MYT1L: variants seen among roughly 807,000 people sequenced by gnomAD.
MYT1L encodes myelin transcription factor 1-like protein.
A neutral mutation model predicts 126.7 loss-of-function variants in MYT1L; 12 were observed. The observed-to-expected ratio is 0.09, with a 90% CI of 0.06 to 0.15. The LOEUF (loss-of-function observed/expected upper bound fraction) is 0.15, where lower values mean the gene tolerates loss of function less well. Among genes scored for constraint, MYT1L ranks in the 10% least tolerant of loss-of-function variants. MYT1L has a pLI of 1.00. For synonymous variants in MYT1L, 541 were observed against 604.2 expected, an observed-to-expected ratio of 0.90 and a Z score of 1.53; for missense variants, 979 against 1,585.2, an observed-to-expected ratio of 0.62 and a Z score of 6.49.
At chr2:2,125,699 T>C (rs988406775) in intron 3 of MYT1L, among the ~76,000 whole-genome samples, 1 of 152,182 alleles carries the variant, frequency 6.6e-6, no homozygotes, top group Non-Finnish European at 1.5e-5. Context: ...ATGAGTATAG[T>C]GCAATGGCAT....
chr2:2,233,707 C>T (rs1191569264), intron 2 of MYT1L, among the ~76,000 whole-genome samples: 1 of 152,162 alleles, frequency 6.6e-6, no homozygotes, highest in African/African-American at 2.4e-5. Flanking sequence ...AGGAAATGAA[C>T]CCAAGGTGGG....
At chr2:2,105,228 C>T (rs554650812) in intron 3 of MYT1L, among the ~76,000 whole-genome samples, 29 of 152,224 alleles carry the variant, frequency 1.9e-4, no homozygotes, top group Middle Eastern at 3.4e-3. Context: ...AATGGATCCC[C>T]GGCAGCGTGG....
chr2:1,999,863 T>C (rs888254561), intron 4 of MYT1L, among the ~76,000 whole-genome samples: 1 of 152,240 alleles, frequency 6.6e-6, no homozygotes, highest in South Asian at 2.1e-4. Context: ...CAGTTATTAA[T>C]GAATGACAAG....
chr2:2,287,347 A>C (rs564779559), intron 1 of MYT1L, among the ~76,000 whole-genome samples: 1 of 152,348 alleles, frequency 6.6e-6, no homozygotes, highest in South Asian at 2.1e-4. Context: ...AGTGTTGAAA[A>C]AAATTGACTA....
intron 1 of MYT1L, among the ~76,000 whole-genome samples, chr2:2,308,367 G>A (rs2095891922): frequency 6.6e-6 from 1 of 151,398 alleles, no homozygotes; most frequent in Non-Finnish European, 1.5e-5. Flanking sequence ...CTACATTTCA[G>A]TATATTGTAC....
chr2:2,116,124 T>A (rs952509632), intron 3 of MYT1L, among the ~76,000 whole-genome samples: 7 of 152,310 alleles, frequency 4.6e-5, no homozygotes, highest in Admixed American at 3.3e-4. Flanking sequence ...ACACGTTCTG[T>A]CCTCATGAGG....
chr2:1,992,568 C>T (rs955374465), intron 5 of MYT1L, among the ~76,000 whole-genome samples: 1 of 152,226 alleles, frequency 6.6e-6, no homozygotes, highest in African/African-American at 2.4e-5. Context: ...ATAATGCCTC[C>T]TTTTCCTTAC....
chr2:2,078,269 T>TA lies in MYT1L; in HGVS notation c.-303-24147dup, dbSNP rs563726787. Reference sequence around the variant, plus strand: ...CAAGAATATGGCAAAAATAGGGAAATAGAGGAATAAAGCAGACACAAGATA... The same window carrying TA: ...CAAGAATATGGCAAAAATAGGGAAATAAGAGGAATAAAGCAGACACAAGATA... On this transcript the variant is annotated intron_variant, in intron 3 of 24. Transcript: ENST00000647738. 1.1e-4 allele frequency among the ~76,000 whole-genome samples: 17 copies of TA among 151,938 alleles called. No individual in the cohort carries two copies. The South Asian group carries it at 3.5e-3, about 32-fold the overall frequency.
At chr2:2,140,326 GT>G in intron 3 of MYT1L, among the ~76,000 whole-genome samples, 1 of 150,372 alleles carries the variant, frequency 6.7e-6, no homozygotes, top group Middle Eastern at 3.4e-3. Context: ...TATTCCAATT[GT>G]TTTTGTTAAA....
chr2:2,199,543 C>G (rs377119590), intron 2 of MYT1L, among the ~76,000 whole-genome samples: 2 of 152,186 alleles, frequency 1.3e-5, no homozygotes, highest in East Asian at 3.9e-4. Flanking sequence ...AGGACCAGGA[C>G]AGCTGTGGGG....
At chr2:2,099,192 T>C (rs1246262944) in intron 3 of MYT1L, among the ~76,000 whole-genome samples, 4 of 152,298 alleles carry the variant, frequency 2.6e-5, no homozygotes, top group South Asian at 2.1e-4. Context: ...TCCCAGAATG[T>C]AAGTTGCTGC....
intron 3 of MYT1L, among the ~76,000 whole-genome samples, chr2:2,122,557 G>A (rs2081174820): frequency 6.6e-6 from 1 of 152,172 alleles, no homozygotes; most frequent in African/African-American, 2.4e-5. Flanking sequence ...AGTAATTCAT[G>A]TACAGGGTCC....
At chr2:2,041,556 T>G (rs1418992370) in intron 4 of MYT1L, among the ~76,000 whole-genome samples, 1 of 152,220 alleles carries the variant, frequency 6.6e-6, no homozygotes, top group Non-Finnish European at 1.5e-5. Context: ...CAGAAAAATT[T>G]TCTGTTCCAG....
intron 3 of MYT1L, among the ~76,000 whole-genome samples, chr2:2,157,264 T>C (rs1241284791): frequency 6.6e-6 from 1 of 152,216 alleles, no homozygotes; most frequent in Non-Finnish European, 1.5e-5. Flanking sequence ...AAAAATGGTA[T>C]ATATAGATAT....
chr2:1,997,785 T>C (rs530616793), intron 4 of MYT1L, among the ~76,000 whole-genome samples: 1 of 152,334 alleles, frequency 6.6e-6, no homozygotes, highest in South Asian at 2.1e-4. Context: ...GTCACCCTTA[T>C]TTATTCTGTG....
At chr2:1,836,304 G>T (rs1346194641) in intron 21 of MYT1L, among the ~76,000 whole-genome samples, 2 of 121,010 alleles carry the variant, frequency 1.7e-5, no homozygotes, top group Non-Finnish European at 1.7e-5. Flanking sequence ...CCATCAGCCT[G>T]CCCCCCCAAG....
chr2:2,160,011 C>T lies in MYT1L; in HGVS notation c.-304+12861G>A, dbSNP rs369596976. On this transcript the variant is annotated intron_variant, in intron 3 of 24. Coordinates refer to ENST00000647738, the MANE Select transcript of MYT1L (RefSeq NM_001303052.2). ...TAACAGCTGTGTGGCCATGGGTGAG[C>T]GGCAACCCATGTCTCTCTGTGTCTC... Among the ~76,000 whole-genome samples, 18 of 152,106 alleles carry T rather than the reference C, an allele frequency of 1.2e-4. No individual in the cohort carries two copies. The East Asian group carries it at 1.7e-3, about 15-fold the overall frequency.
chr2:2,000,786 A>G (rs1338615569), intron 4 of MYT1L, among the ~76,000 whole-genome samples: 1 of 152,206 alleles, frequency 6.6e-6, no homozygotes, highest in Admixed American at 6.5e-5. Context: ...CCTGCATGTC[A>G]GAAATATTTA....
At chr2:2,201,894 G>A (rs1478239840) in intron 2 of MYT1L, among the ~76,000 whole-genome samples, 1 of 152,146 alleles carries the variant, frequency 6.6e-6, no homozygotes, top group East Asian at 1.9e-4. Flanking sequence ...AAGAAATACA[G>A]ACTTTTATTG....
Sources: allele counts gnomAD v4.1 joint callset (sites outside exome capture counted in the v4.1 genomes callset), GRCh38; gene constraint gnomAD v4.1.1; transcripts MANE v1.5; gene names NCBI Gene and HGNC (gene_info 2026-07-23, HGNC 2026-07-21).